SLC4A4: variants seen among roughly 807,000 people sequenced by gnomAD.
SLC4A4 encodes the protein solute carrier family 4 member 4, also known as electrogenic sodium bicarbonate cotransporter 1.
A neutral mutation model predicts 111.5 loss-of-function variants in SLC4A4; 27 were observed. The observed-to-expected ratio is 0.24, with a 90% CI of 0.18 to 0.33. The LOEUF (loss-of-function observed/expected upper bound fraction) is 0.33. SLC4A4 is among the 10% of genes least tolerant of loss of function. The pLI is 1.00. For missense variants in SLC4A4, 909 were observed against 1,315.5 expected (o/e 0.69, Z 4.78); for synonymous variants, 443 against 463.4 (o/e 0.96, Z 0.57).
intron 1 of SLC4A4, among the ~76,000 whole-genome samples, chr4:71,198,103 T>C (rs1472731424): frequency 3.3e-5 from 5 of 152,198 alleles, no homozygotes; most frequent in African/African-American, 1.2e-4. Flanking sequence ...TTCTTTATGG[T>C]ACAGGTATTA....
rs1156614454 is a variant in SLC4A4, at chr4:71,085,645, C to T, written c.-64-7085C>T. 5.3e-5 allele frequency among the ~76,000 whole-genome samples: 8 copies of T among 152,150 alleles called. 1 individual carries two copies. Among genetic ancestry groups the T allele is most frequent in the Admixed American group, 4.6e-4 (7 of 15,274 alleles). On this transcript the variant is annotated intron_variant, in intron 1 of 26. Transcript: ENST00000649996. ...ATATGGCTAGCCAGTTTTTCCAGCA[C>T]CATTTATTAAATAGGGAATCCTTTC...
chr4:71,143,380 G>A (rs1344907547), intron 2 of SLC4A4, among the ~76,000 whole-genome samples: 1 of 152,132 alleles, frequency 6.6e-6, no homozygotes, highest in East Asian at 1.9e-4. Context: ...CCAAGTCTTT[G>A]CTATTGTGAA....
chr4:71,239,445 A>T (rs1165417580), intron 2 of SLC4A4, among the ~76,000 whole-genome samples: 1 of 152,222 alleles, frequency 6.6e-6, no homozygotes, highest in African/African-American at 2.4e-5. Context: ...AAGAAGAGCC[A>T]GATACTCTCT....
intron 16 of SLC4A4, among the ~76,000 whole-genome samples, chr4:71,510,261 CTTTTCCTTTGTCTATCCTGGGCTT>C: frequency 6.6e-6 from 1 of 152,264 alleles, no homozygotes; most frequent in East Asian, 1.9e-4. Context: ...AGAAGGATGC[CTTTTCCTTTGTCTATCCTGGGCTT>C]TCACACTCCA....
intron 3 of SLC4A4, among the ~76,000 whole-genome samples, chr4:71,306,370 C>G (rs1383729567): frequency 6.6e-6 from 1 of 152,174 alleles, no homozygotes; most frequent in South Asian, 2.1e-4. Flanking sequence ...ATCATGAGGT[C>G]AAGAGATTGA....
At chr4:71,342,999 G>C (rs570330869) in intron 4 of SLC4A4, among the ~76,000 whole-genome samples, 18 of 152,196 alleles carry the variant, frequency 1.2e-4, no homozygotes, top group East Asian at 3.9e-4. Context: ...AATTGCTGTC[G>C]ATTAATTCAT....
At chr4:71,461,924 C>T (rs973616749) in intron 12 of SLC4A4, among the ~76,000 whole-genome samples, 2 of 152,158 alleles carry the variant, frequency 1.3e-5, no homozygotes, top group African/African-American at 4.8e-5. Flanking sequence ...AGAAGCGTCT[C>T]TTAATGGCCG....
At chr4:71,420,572 G>A (rs2149019538) in intron 7 of SLC4A4, among the ~76,000 whole-genome samples, 1 of 152,274 alleles carries the variant, frequency 6.6e-6, no homozygotes, top group Non-Finnish European at 1.5e-5. Context: ...AAAATGTTAA[G>A]GGCAGCCAGA....
intron 1 of SLC4A4, among the ~76,000 whole-genome samples, chr4:71,230,737 C>T (rs905412490): frequency 6.6e-5 from 10 of 152,148 alleles, no homozygotes; most frequent in South Asian, 4.1e-4. Flanking sequence ...TGTGCAGCAT[C>T]GTTAAGTGCA....
chr4:71,394,167 CTTAA>C (rs1309921915), intron 6 of SLC4A4, among the ~76,000 whole-genome samples: 1 of 151,886 alleles, frequency 6.6e-6, no homozygotes, highest in African/African-American at 2.4e-5. Context: ...ATAGTTGGAA[CTTAA>C]TTAAAGAGCT....
At chr4:71,287,701 A>T (rs528177650) in intron 3 of SLC4A4, among the ~76,000 whole-genome samples, 2 of 152,274 alleles carry the variant, frequency 1.3e-5, no homozygotes, top group East Asian at 3.9e-4. Flanking sequence ...GGATTTCTTT[A>T]TGCAATTTCA....
Position 71,237,543 on chromosome 4 carries a change from G to A in SLC4A4, c.73+894G>A, listed in dbSNP as rs376715983. Among the ~76,000 whole-genome samples, 404 of 152,202 alleles carry A rather than the reference G, an allele frequency of 2.7e-3. 5 individuals carry two copies. Among genetic ancestry groups the A allele is most frequent in the African/African-American group, 9.0e-3 (375 of 41,496 alleles). On this transcript the variant is annotated intron_variant, in intron 2 of 25. Transcript: ENST00000264485. The stretch of plus-strand genomic sequence containing the variant: ...TGTTTTGGAGATTCTGACCTGACCG[G>A]TGCCATGTGGTAAGCATTTAGTGCC...
chr4:71,355,921 G>T (rs1730248637), intron 5 of SLC4A4, among the ~76,000 whole-genome samples: 1 of 152,184 alleles, frequency 6.6e-6, no homozygotes, highest in Admixed American at 6.5e-5. Flanking sequence ...GAAAATATCA[G>T]TGTGTGCTAG....
chr4:71,118,914 C>A (rs1363628643), intron 2 of SLC4A4, among the ~76,000 whole-genome samples: 1 of 152,082 alleles, frequency 6.6e-6, no homozygotes, highest in African/African-American at 2.4e-5. Context: ...ATGATTCATG[C>A]AAAATGAGAG....
intron 1 of SLC4A4, among the ~76,000 whole-genome samples, chr4:71,218,095 G>A (rs1355162108): frequency 6.6e-6 from 1 of 152,170 alleles, no homozygotes; most frequent in East Asian, 1.9e-4. Flanking sequence ...ATCCAAGTAG[G>A]TAATAGTTCA....
chr4:71,456,599 G>A (rs996915188), intron 12 of SLC4A4, among the ~76,000 whole-genome samples: 2 of 152,100 alleles, frequency 1.3e-5, no homozygotes, highest in Non-Finnish European at 2.9e-5. Context: ...CATTTTACAG[G>A]TCTATGGCAG....
intron 23 of SLC4A4, among the ~76,000 whole-genome samples, chr4:71,562,862 A>C (rs6834895): frequency 0.2 from 30,042 of 151,554 alleles, 3,156 homozygotes; most frequent in Admixed American, 0.3. Flanking sequence ...ACCTCTTTAG[A>C]GTCATAAATA....
chr4:71,560,146 C>T lies in SLC4A4; in HGVS notation c.2991C>T (p.His997=), dbSNP rs1453458. Residue 997 remains histidine (H), a synonymous_variant, in exon 23 of 26, where the codon CAC becomes CAT. Transcript: ENST00000264485. ...RKGMDYLFSQ[H]DLSFLDDVIP... ...GCATGGACTACCTCTTCTCCCAGCA[C>T]GACCTCAGCTTCCTGGATGATGTCA... 1,493,266 of 1,611,032 alleles carry T rather than the reference C, an allele frequency of 0.93. 697,349 individuals carry two copies. The highest frequency in any genetic ancestry group is 0.96 in the Non-Finnish European group (1,132,472 of 1,178,030).
intron 2 of SLC4A4, among the ~76,000 whole-genome samples, chr4:71,122,181 C>T (rs1381503461): frequency 6.6e-6 from 1 of 151,966 alleles, no homozygotes; most frequent in Non-Finnish European, 1.5e-5. Context: ...CAAGAACCCA[C>T]CAATTCCGGA....
Sources: allele counts gnomAD v4.1 joint callset (sites outside exome capture counted in the v4.1 genomes callset), GRCh38; gene constraint gnomAD v4.1.1; transcripts MANE v1.5; gene names NCBI Gene and HGNC (gene_info 2026-07-23, HGNC 2026-07-21).